Variants in FMN1 observed in about 807,000 individuals in gnomAD.
The protein encoded by FMN1 is formin 1.
Under a neutral mutation model 132.4 loss-of-function variants are expected in FMN1, and 110 were observed. The observed-to-expected ratio is 0.83, with a 90% CI of 0.71 to 0.97. FMN1 has a LOEUF of 0.97. Among genes scored for constraint, FMN1 ranks in the 50% least tolerant of loss-of-function variants. The pLI, the probability that FMN1 is intolerant of heterozygous loss-of-function variation, is 0.00. For synonymous variants in FMN1, 722 were observed against 651.7 expected, an observed-to-expected ratio of 1.11 and a Z score of -1.64; for missense variants, 1,792 against 1,705.3, an observed-to-expected ratio of 1.05 and a Z score of -0.90.
At chr15:33,008,179 A>G (rs1482479178) in intron 6 of FMN1, 104 bp from the exon 7 acceptor site, 2 of 856,430 alleles carry the variant, frequency 2.3e-6, no homozygotes, top group East Asian at 2.7e-5. Context: ...AAATGCCACA[A>G]TTTGACATCA....
chr15:32,942,043 G>A (rs986158293), intron 9 of FMN1, among the ~76,000 whole-genome samples: 1 of 152,120 alleles, frequency 6.6e-6, no homozygotes, highest in Non-Finnish European at 1.5e-5. Flanking sequence ...CACAGGTTGC[G>A]TTAAACCCTA....
At chr15:32,938,753 G>T (rs1255500735) in intron 9 of FMN1, among the ~76,000 whole-genome samples, 1 of 151,806 alleles carries the variant, frequency 6.6e-6, no homozygotes, top group African/African-American at 2.4e-5. Flanking sequence ...CCCACTTTAG[G>T]TATTACCAAT....
chr15:32,970,390 C>T (rs1325563540), intron 7 of FMN1, among the ~76,000 whole-genome samples: 2 of 152,064 alleles, frequency 1.3e-5, no homozygotes, highest in Non-Finnish European at 2.9e-5. Flanking sequence ...TTAATTTCTG[C>T]CTCCCCCATG....
At chr15:32,907,157 G>C (rs1038638285) in intron 12 of FMN1, among the ~76,000 whole-genome samples, 1 of 151,930 alleles carries the variant, frequency 6.6e-6, no homozygotes, top group Non-Finnish European at 1.5e-5. Context: ...GTTTCAAGAT[G>C]ATTCAAGCAC....
chr15:32,937,668 G>A (rs2061309479), intron 9 of FMN1, among the ~76,000 whole-genome samples: 1 of 152,210 alleles, frequency 6.6e-6, no homozygotes, highest in Non-Finnish European at 1.5e-5. Flanking sequence ...GTCACAAAGT[G>A]GCTCATATGG....
At chr15:32,964,009 T>C (rs200486840) in intron 9 of FMN1, 98 bp downstream of exon 9, 1 of 444,734 alleles carries the variant, frequency 2.2e-6, no homozygotes, top group East Asian at 4.1e-5. Flanking sequence ...TGTGTGTGTA[T>C]ATACGATACA....
At chr15:32,782,082 CTCTTT>C (rs1235648990) in intron 19 of FMN1, among the ~76,000 whole-genome samples, 6 of 152,190 alleles carry the variant, frequency 3.9e-5, no homozygotes, top group Non-Finnish European at 8.8e-5. Flanking sequence ...GAAGTAATTG[CTCTTT>C]TCTTAAATGA....
At chr15:33,054,528 C>A (rs1566871542) in intron 6 of FMN1, among the ~76,000 whole-genome samples, 1 of 152,168 alleles carries the variant, frequency 6.6e-6, no homozygotes, top group Non-Finnish European at 1.5e-5. Flanking sequence ...ATGATCTTAA[C>A]AATGTTGCAT....
intron 4 of FMN1, among the ~76,000 whole-genome samples, chr15:33,097,637 G>C (rs573290491): frequency 2.0e-5 from 3 of 152,288 alleles, no homozygotes; most frequent in South Asian, 4.1e-4. Context: ...ATAGTGGGGA[G>C]GAGGGCAGAC....
At chr15:33,172,814 G>T (rs1965379346) in intron 3 of FMN1, among the ~76,000 whole-genome samples, 1 of 152,142 alleles carries the variant, frequency 6.6e-6, no homozygotes. Flanking sequence ...TAGCTTATCA[G>T]AAAGTGTTTT....
chr15:33,073,442 A>C (rs1246588774), intron 5 of FMN1, among the ~76,000 whole-genome samples: 2 of 152,222 alleles, frequency 1.3e-5, no homozygotes, highest in African/African-American at 4.8e-5. Context: ...GGTGAAAAAA[A>C]GTTAAGAGCA....
chr15:33,037,380 G>A (rs2036236709), intron 6 of FMN1, among the ~76,000 whole-genome samples: 1 of 152,134 alleles, frequency 6.6e-6, no homozygotes, highest in Non-Finnish European at 1.5e-5. Context: ...GAGAGATTTG[G>A]GGAAGGAATA....
At chr15:32,957,781 T>G (rs1318644678) in intron 9 of FMN1, among the ~76,000 whole-genome samples, 1 of 152,208 alleles carries the variant, frequency 6.6e-6, no homozygotes, top group Non-Finnish European at 1.5e-5. Flanking sequence ...GGGGTGTTAT[T>G]CCCAATTTCG....
At chr15:33,009,227 A>G (rs2034577874) in intron 6 of FMN1, among the ~76,000 whole-genome samples, 1 of 152,160 alleles carries the variant, frequency 6.6e-6, no homozygotes, top group African/African-American at 2.4e-5. Context: ...CAGCACCACG[A>G]TAATCCAAGT....
intron 10 of FMN1, among the ~76,000 whole-genome samples, chr15:32,921,710 T>C (rs1268963723): frequency 1.3e-5 from 2 of 149,816 alleles, no homozygotes; most frequent in African/African-American, 4.9e-5. Flanking sequence ...AGAGTCTTGC[T>C]CTGTTGCCCA....
At chr15:32,801,227 C>G (rs572364921) in intron 18 of FMN1, among the ~76,000 whole-genome samples, 22 of 152,286 alleles carry the variant, frequency 1.4e-4, no homozygotes, top group African/African-American at 5.3e-4. Context: ...CAACTCTAAA[C>G]TGAAGCTAAC....
At chr15:32,900,189 A>G in intron 13 of FMN1, 64 bp from the exon 14 acceptor site, 1 of 1,553,134 alleles carries the variant, frequency 6.4e-7, no homozygotes, top group Non-Finnish European at 8.9e-7. Flanking sequence ...TCATTCAGTA[A>G]CAAATATCGA....
At chr15:33,182,403 A>G (rs1965735373) in intron 2 of FMN1, among the ~76,000 whole-genome samples, 1 of 152,182 alleles carries the variant, frequency 6.6e-6, no homozygotes, top group Non-Finnish European at 1.5e-5. Flanking sequence ...CATTGCTCTT[A>G]AGCTGGCCTG....
intron 4 of FMN1, among the ~76,000 whole-genome samples, chr15:33,133,431 A>G (rs1011145038): frequency 6.6e-6 from 1 of 152,196 alleles, no homozygotes; most frequent in African/African-American, 2.4e-5. Context: ...TGGCTGGGCC[A>G]AAGAGTACGA....
Sources: gnomAD v4.1 joint callset for allele counts (sites outside exome capture counted in the v4.1 genomes callset) on GRCh38, gnomAD v4.1.1 for gene constraint, MANE v1.5 for transcripts, NCBI Gene and HGNC (gene_info 2026-07-23, HGNC 2026-07-21) for gene names.